KCNQ1: variants seen among roughly 807,000 people sequenced by gnomAD.
The protein encoded by KCNQ1 is potassium voltage-gated channel subfamily KQT member 1.
Under a neutral mutation model 72.4 loss-of-function variants are expected in KCNQ1, and 49 were observed. The observed-to-expected ratio is 0.68, with a 90% CI of 0.54 to 0.86. KCNQ1 has a LOEUF of 0.86. Among genes scored for constraint, KCNQ1 ranks in the 40% least tolerant of loss-of-function variants. The pLI is 0.00. For missense variants in KCNQ1, 790 were observed against 945.1 expected (o/e 0.84, Z 2.15); for synonymous variants, 450 against 412.6 (o/e 1.09, Z -1.10).
At position 2,595,725 on chromosome 11, in the gene KCNQ1, A is replaced by G. The variant is rs1848724534; in HGVS notation, c.1393+6871A>G. Among the ~76,000 whole-genome samples the G allele has an allele frequency of 6.6e-6, 1 of 152,214 alleles. No individual in the cohort carries two copies. Among genetic ancestry groups the G allele is most frequent in the Admixed American group, 6.5e-5 (1 of 15,288 alleles). ...GATTAGTGTTGTTCTTATGGCTGCTAACACAACATCCATTCTGCAGCCCAT... is the reference window on the plus strand; with the variant it reads ...GATTAGTGTTGTTCTTATGGCTGCTGACACAACATCCATTCTGCAGCCCAT... On this transcript the variant is annotated intron_variant, in intron 10 of 15. Transcript: ENST00000155840. This position sits in a 1 kb window ranked among gnomAD's most constrained non-coding sequence, Gnocchi z 5.0.
intron 1 of KCNQ1, among the ~76,000 whole-genome samples, chr11:2,470,015 T>A (rs1224673597): frequency 1.3e-5 from 2 of 151,980 alleles, no homozygotes; most frequent in African/African-American, 2.4e-5. Flanking sequence ...CAGGTTGAAG[T>A]GCTTGGTGCT....
rs925924704 is a variant in KCNQ1, at chr11:2,475,777, C to T, written c.386+30293C>T. On this transcript the variant is annotated intron_variant, in intron 1 of 15. Transcript: ENST00000155840. This position sits in a 1 kb window ranked among gnomAD's most constrained non-coding sequence, Gnocchi z 5.8. The stretch of plus-strand genomic sequence containing the variant: ...TGTTCTCGTAATAGTGAATACGTCT[C>T]ATAAGATCTGATGGTTTTAAAAAGA... 3.3e-5 allele frequency among the ~76,000 whole-genome samples: 5 copies of T among 152,182 alleles called. No homozygotes were observed. The highest frequency in any genetic ancestry group is 6.5e-5 in the Admixed American group (1 of 15,278).
chr11:2,559,242 C>T lies in KCNQ1; in HGVS notation c.478-11386C>T, dbSNP rs543445776. Among the ~76,000 whole-genome samples the T allele has an allele frequency of 1.4e-4, 21 of 152,056 alleles. No individual in the cohort carries two copies. The highest frequency in any genetic ancestry group is 4.1e-4 in the South Asian group (2 of 4,820). The stretch of plus-strand genomic sequence containing the variant: ...GGGAAGCCCGTGGAGAGGATGCATT[C>T]GACACCCAAGGCCTTATGGAATCAG... On this transcript the variant is annotated intron_variant, in intron 2 of 15. Coordinates refer to ENST00000155840, the MANE Select transcript of KCNQ1 (RefSeq NM_000218.3). This position sits in a 1 kb window ranked among gnomAD's most constrained non-coding sequence, Gnocchi z 4.9.
At chr11:2,733,814 A>ACACACACACACACTCTCTCT in intron 11 of KCNQ1, among the ~76,000 whole-genome samples, 48 of 86,552 alleles carry the variant, frequency 5.5e-4, no homozygotes, top group Non-Finnish European at 1.0e-3. Flanking sequence ...ACACACACAC[A>ACACACACACACACTCTCTCT]CTCTCTCACT....
Position 2,691,444 on chromosome 11 carries a change from T to C in KCNQ1, c.1514+29363T>C, listed in dbSNP as rs535457545. 11 of 398,562 alleles carry C rather than the reference T, an allele frequency of 2.8e-5. No individual in the cohort carries two copies. Among genetic ancestry groups the C allele is most frequent in the Admixed American group, 4.4e-5 (1 of 22,738 alleles). The allele number at this position is 398,562 out of a possible 1,614,324, so 24.7% of individuals were successfully genotyped here. ...GTCCACTGAAGCTCCCTGCCCCCAC[T>C]GAGTCTCTGATGTTGACAGCCTCTT... On this transcript the variant is annotated intron_variant, in intron 11 of 15. Transcript: ENST00000155840. The surrounding 1 kb of genome is among the most constrained non-coding windows in gnomAD (Gnocchi z 6.4).
At chr11:2,798,437 G>GA (rs1412256098) in intron 15 of KCNQ1, among the ~76,000 whole-genome samples, 1 of 152,004 alleles carries the variant, frequency 6.6e-6, no homozygotes, top group African/African-American at 2.4e-5. Flanking sequence ...GCCGTCTGGG[G>GA]GGCCTCCTTA....
chr11:2,449,304 G>A (rs1306163361), intron 1 of KCNQ1, among the ~76,000 whole-genome samples: 2 of 152,244 alleles, frequency 1.3e-5, no homozygotes, highest in East Asian at 3.8e-4. Flanking sequence ...GGGTACTGGG[G>A]GCAGGAGGGT....
In KCNQ1 at chr11:2,730,229, G is replaced by A. The variant is rs118022560; in HGVS notation, c.1515-38615G>A. Among the ~76,000 whole-genome samples the A allele has an allele frequency of 4.6e-3, 699 of 152,346 alleles. 3 individuals are homozygous for A. Among genetic ancestry groups the A allele is most frequent in the Non-Finnish European group, 7.6e-3 (514 of 68,030 alleles). ...AGGATGGCAGCTGGACCAGGAGGGC[G>A]AGGAGGAAGTAGTAGATTCAGGACT... On this transcript the variant is annotated intron_variant, in intron 11 of 15. Coordinates refer to ENST00000155840, the MANE Select transcript of KCNQ1 (RefSeq NM_000218.3).
chr11:2,708,717 G>A (rs7925578), intron 11 of KCNQ1, among the ~76,000 whole-genome samples: 3 of 151,674 alleles, frequency 2.0e-5, no homozygotes, highest in Non-Finnish European at 2.9e-5. Flanking sequence ...CGCGGGTTGC[G>A]GGGGGCGGTC....
intron 11 of KCNQ1, chr11:2,680,333 A>C: frequency 2.5e-6 from 1 of 397,858 alleles, no homozygotes. Flanking sequence ...TCAAAAAAAA[A>C]GTCTTTCCAG....
intron 2 of KCNQ1, among the ~76,000 whole-genome samples, chr11:2,545,979 T>A (rs1479311338): frequency 6.6e-6 from 1 of 152,044 alleles, no homozygotes; most frequent in Non-Finnish European, 1.5e-5. Flanking sequence ...GGTTTCATTA[T>A]TTTTTTTCTT....
chr11:2,614,939 T>G, intron 10 of KCNQ1: 1 of 398,460 alleles, frequency 2.5e-6, no homozygotes. Flanking sequence ...AAAAGGCCCT[T>G]GGGATTTTGA....
Position 2,762,230 on chromosome 11 carries a change from G to A in KCNQ1, c.1515-6614G>A, listed in dbSNP as rs1846410125. Among the ~76,000 whole-genome samples the A allele has an allele frequency of 6.6e-6, 1 of 152,204 alleles. No homozygotes were observed. The highest frequency in any genetic ancestry group is 2.1e-4 in the South Asian group (1 of 4,830). ...ACGGAGATCTTGGGGCCTCCAATTTGTCAAATAGTTTTCTGTTACAGTTCA... is the reference window on the plus strand; with the variant it reads ...ACGGAGATCTTGGGGCCTCCAATTTATCAAATAGTTTTCTGTTACAGTTCA... On this transcript the variant is annotated intron_variant, in intron 11 of 15. Transcript: ENST00000155840. The surrounding 1 kb of genome is among the most constrained non-coding windows in gnomAD (Gnocchi z 4.3).
At chr11:2,649,824 T>C (rs1590004957) in intron 10 of KCNQ1, 4 of 398,560 alleles carry the variant, frequency 1.0e-5, no homozygotes, top group Middle Eastern at 6.3e-4. Context: ...CCTTTATCTG[T>C]TAGTCTCTTT....
At position 2,613,493 on chromosome 11, in the gene KCNQ1, G is replaced by C. The variant is rs752401885; in HGVS notation, c.1393+24639G>C. On this transcript the variant is annotated intron_variant, in intron 10 of 15. Coordinates refer to ENST00000155840, the MANE Select transcript of KCNQ1 (RefSeq NM_000218.3). This position sits in a 1 kb window ranked among gnomAD's most constrained non-coding sequence, Gnocchi z 4.8. ...TTTGTTGCTGGTCCTCAAGCCTACC[G>C]TGCCCCTGAGCTTGGGTGGGGAGAT... 2.5e-6 allele frequency: 1 copy of C among 398,378 alleles called. No individual in the cohort carries two copies. Among genetic ancestry groups the C allele is most frequent in the Non-Finnish European group, 4.4e-6 (1 of 226,058 alleles). The allele number at this position is 398,378 out of a possible 1,614,324, so 24.7% of individuals were successfully genotyped here. A position where few individuals can be genotyped will look rare whatever the true frequency, so the allele number is the denominator to read the frequency against.
chr11:2,501,158 TTAG>T (rs564825143), intron 1 of KCNQ1, among the ~76,000 whole-genome samples: 2 of 151,662 alleles, frequency 1.3e-5, no homozygotes, highest in South Asian at 4.2e-4. Flanking sequence ...CAACCTAAAA[TTAG>T]TAGAAGAAAT....
At position 2,692,336 on chromosome 11, in the gene KCNQ1, T is replaced by C. The variant is rs1348943544; in HGVS notation, c.1514+30255T>C. 7 of 398,830 alleles carry C rather than the reference T, an allele frequency of 1.8e-5. No individual in the cohort carries two copies. The Admixed American group carries it at 3.1e-4, about 18-fold the overall frequency. The allele number at this position is 398,830 out of a possible 1,614,324, so 24.7% of individuals were successfully genotyped here. On this transcript the variant is annotated intron_variant, in intron 11 of 15. Coordinates refer to ENST00000155840, the MANE Select transcript of KCNQ1 (RefSeq NM_000218.3). ...TTGCCACTGTCCTGATAGGCCACCA[T>C]TTCTCTGTACTGCAGGCATCTCCTA...
At chr11:2,609,238 T>C in intron 10 of KCNQ1, 1 of 398,322 alleles carries the variant, frequency 2.5e-6, no homozygotes. Flanking sequence ...TTTTCATTAA[T>C]CTCAAAGTAC....
In KCNQ1 at chr11:2,720,522, G is replaced by A. The variant is rs947655256; in HGVS notation, c.1515-48322G>A. ...TCTCTGTAAGGGGAGAGGGACCCAGGGCTGACCAGAGCAAGCAGTGTGCCA... is the reference window on the plus strand; with the variant it reads ...TCTCTGTAAGGGGAGAGGGACCCAGAGCTGACCAGAGCAAGCAGTGTGCCA... On this transcript the variant is annotated intron_variant, in intron 11 of 15. Coordinates refer to ENST00000155840, the MANE Select transcript of KCNQ1 (RefSeq NM_000218.3). The surrounding 1 kb of genome is among the most constrained non-coding windows in gnomAD (Gnocchi z 5.1). 3.3e-5 allele frequency among the ~76,000 whole-genome samples: 5 copies of A among 152,124 alleles called. No homozygotes were observed. The highest frequency in any genetic ancestry group is 5.9e-5 in the Non-Finnish European group (4 of 67,998).
Sources: gnomAD v4.1 joint callset for allele counts (sites outside exome capture counted in the v4.1 genomes callset) on GRCh38, gnomAD v4.1.1 for gene constraint, Gnocchi (gnomAD v3.1) non-coding constraint, MANE v1.5 for transcripts, NCBI Gene and HGNC (gene_info 2026-07-23, HGNC 2026-07-21) for gene names.